Variants in SHISA9 observed in about 807,000 individuals in gnomAD.
SHISA9 encodes the protein shisa family member 9.
Under a neutral mutation model 38.0 loss-of-function variants are expected in SHISA9, and 13 were observed. The ratio of observed to expected loss-of-function variants is 0.34; its 90% CI spans 0.22 to 0.54. SHISA9 has a LOEUF of 0.54. Ranked by LOEUF, SHISA9 falls within the 20% of genes least tolerant of loss-of-function variation. The probability of loss-of-function intolerance (pLI) is 0.91; values close to 1 mark genes in which losing one functional copy is unlikely to be tolerated. For missense variants in SHISA9, 538 were observed against 575.8 expected, an observed-to-expected ratio of 0.93 and a Z score of 0.67; for synonymous variants, 275 against 242.0, an observed-to-expected ratio of 1.14 and a Z score of -1.27.
the SHISA9 span, among the ~76,000 whole-genome samples, chr16:13,455,978 A>G: frequency 6.6e-6 from 1 of 152,166 alleles, no homozygotes; most frequent in Non-Finnish European, 1.5e-5. Flanking sequence ...TAATGAGGAG[A>G]TAAAACGTGG....
At chr16:13,417,099 C>T in the SHISA9 span, among the ~76,000 whole-genome samples, 1 of 152,256 alleles carries the variant, frequency 6.6e-6, no homozygotes, top group East Asian at 1.9e-4. Flanking sequence ...GCCGAAGGCA[C>T]CTTTTGGATG....
chr16:13,043,087 G>A (rs1377444915), intron 2 of SHISA9, among the ~76,000 whole-genome samples: 1 of 152,188 alleles, frequency 6.6e-6, no homozygotes, highest in Non-Finnish European at 1.5e-5. Flanking sequence ...GACATGGGAT[G>A]CTCTGCTCCA....
chr16:13,019,834 T>C (rs1346670718), intron 2 of SHISA9, among the ~76,000 whole-genome samples: 6 of 78,402 alleles, frequency 7.7e-5, no homozygotes, highest in African/African-American at 1.1e-4. Flanking sequence ...CTTTCTTTCT[T>C]TTTCCTTCCT....
chr16:13,004,782 AT>A (rs947918346), intron 2 of SHISA9, among the ~76,000 whole-genome samples: 25 of 151,694 alleles, frequency 1.6e-4, no homozygotes, highest in African/African-American at 5.6e-4. Flanking sequence ...AAAAAAAAAA[AT>A]TAGCTGAACG....
chr16:13,343,505 C>T, the SHISA9 span, among the ~76,000 whole-genome samples: 1 of 152,082 alleles, frequency 6.6e-6, no homozygotes, highest in Non-Finnish European at 1.5e-5. Flanking sequence ...ACAATCCCTT[C>T]AGTCAAAAAT....
At chr16:13,111,793 G>A (rs547153935) in intron 2 of SHISA9, among the ~76,000 whole-genome samples, 6 of 152,272 alleles carry the variant, frequency 3.9e-5, no homozygotes, top group African/African-American at 1.4e-4. Context: ...TTCTGTAAAT[G>A]TGTGGCAGAA....
intron 2 of SHISA9, among the ~76,000 whole-genome samples, chr16:13,077,634 C>A (rs1405883514): frequency 6.6e-6 from 1 of 152,170 alleles, no homozygotes; most frequent in East Asian, 1.9e-4. Flanking sequence ...TAGTAGCCTG[C>A]TCCACCTTGC....
chr16:13,275,675 G>A, the SHISA9 span, among the ~76,000 whole-genome samples: 1 of 151,876 alleles, frequency 6.6e-6, no homozygotes, highest in Non-Finnish European at 1.5e-5. Context: ...TCTTCTGTGA[G>A]TGTTTTATAG....
intron 2 of SHISA9, among the ~76,000 whole-genome samples, chr16:12,985,220 G>A (rs975141810): frequency 7.0e-6 from 1 of 142,902 alleles, no homozygotes; most frequent in Non-Finnish European, 1.5e-5. Context: ...ATCTGTCAAC[G>A]AAAAATAAAT....
At chr16:13,153,793 T>A (rs1019630400) in intron 2 of SHISA9, among the ~76,000 whole-genome samples, 51 of 152,310 alleles carry the variant, frequency 3.3e-4, no homozygotes, top group African/African-American at 1.1e-3. Flanking sequence ...ATTATGGTAC[T>A]TTTTTCTGCA....
the SHISA9 span, among the ~76,000 whole-genome samples, chr16:13,494,933 T>C: frequency 4.6e-5 from 7 of 152,204 alleles, no homozygotes; most frequent in Non-Finnish European, 2.9e-5. Flanking sequence ...ACACCCTGCA[T>C]GAATGTCCAG....
intron 1 of SHISA9, among the ~76,000 whole-genome samples, chr16:12,907,854 T>C (rs576113055): frequency 1.2e-3 from 186 of 152,308 alleles, no homozygotes; most frequent in African/African-American, 4.2e-3. Flanking sequence ...CACTAAGTGA[T>C]GACTGCCCCC....
At chr16:13,310,276 A>G in the SHISA9 span, among the ~76,000 whole-genome samples, 1 of 152,144 alleles carries the variant, frequency 6.6e-6, no homozygotes, top group South Asian at 2.1e-4. Context: ...GAATTCAAGG[A>G]CTGGAGGTGG....
At chr16:13,304,127 T>C in the SHISA9 span, among the ~76,000 whole-genome samples, 1 of 152,238 alleles carries the variant, frequency 6.6e-6, no homozygotes, top group Non-Finnish European at 1.5e-5. Flanking sequence ...CTCCATCCAT[T>C]TCTCCAACCT....
At chr16:13,092,252 G>A (rs1052378746) in intron 2 of SHISA9, among the ~76,000 whole-genome samples, 1 of 152,206 alleles carries the variant, frequency 6.6e-6, no homozygotes, top group Non-Finnish European at 1.5e-5. Flanking sequence ...GCTGGGAGGT[G>A]TCTCCCAGTT....
At chr16:12,971,800 A>G (rs2072086663) in intron 2 of SHISA9, among the ~76,000 whole-genome samples, 1 of 152,276 alleles carries the variant, frequency 6.6e-6, no homozygotes, top group African/African-American at 2.4e-5. Context: ...AAGCTAATAT[A>G]ATAAAGACCT....
chr16:13,042,193 A>G (rs1459874043), intron 2 of SHISA9, among the ~76,000 whole-genome samples: 1 of 152,174 alleles, frequency 6.6e-6, no homozygotes, highest in Non-Finnish European at 1.5e-5. Context: ...GGACACTGGG[A>G]ATCTTGCACT....
chr16:12,998,299 A>G (rs1466744014), intron 2 of SHISA9, among the ~76,000 whole-genome samples: 1 of 152,184 alleles, frequency 6.6e-6, no homozygotes, highest in African/African-American at 2.4e-5. Context: ...AACATGTGTA[A>G]TGTCTCAAAG....
chr16:12,931,608 G>T (rs1399313493), intron 2 of SHISA9, among the ~76,000 whole-genome samples: 1 of 152,154 alleles, frequency 6.6e-6, no homozygotes, highest in African/African-American at 2.4e-5. Context: ...TTGCCACAAA[G>T]GACATGATTT....
Sources: gnomAD v4.1 joint callset for allele counts (sites outside exome capture counted in the v4.1 genomes callset) on GRCh38, gnomAD v4.1.1 for gene constraint, MANE v1.5 for transcripts, NCBI Gene and HGNC (gene_info 2026-07-23, HGNC 2026-07-21) for gene names.